NSD1: variants seen among roughly 807,000 people sequenced by gnomAD.
NSD1 encodes the protein nuclear receptor binding SET domain protein 1, also known as histone-lysine N-methyltransferase, H3 lysine-36 specific.
Under a neutral mutation model 242.7 loss-of-function variants are expected in NSD1, and 26 were observed. The ratio of observed to expected loss-of-function variants is 0.11; its 90% CI spans 0.08 to 0.15. The LOEUF is 0.15. Among genes scored for constraint, NSD1 ranks in the 10% least tolerant of loss-of-function variants. The pLI, the probability that NSD1 is intolerant of heterozygous loss-of-function variation, is 1.00. For missense variants in NSD1, 2,495 were observed against 3,272.8 expected, an observed-to-expected ratio of 0.76 and a Z score of 5.80; for synonymous variants, 1,106 against 1,178.1, an observed-to-expected ratio of 0.94 and a Z score of 1.25.
intron 8 of NSD1, among the ~76,000 whole-genome samples, chr5:177,243,624 T>G (rs1340472179): frequency 6.6e-6 from 1 of 152,202 alleles, no homozygotes; most frequent in East Asian, 1.9e-4. Flanking sequence ...AGTCTATATG[T>G]TGGAAATCTC....
chr5:177,293,703 TA>T, intron 22 of NSD1, 128 bp from the exon 23 acceptor site: 1 of 993,946 alleles, frequency 1.0e-6, no homozygotes, highest in Non-Finnish European at 1.5e-6. Context: ...GTGAGTGGCA[TA>T]AGCTCTCTGA....
chr5:177,163,781 G>GTTAC (rs1189117650), intron 2 of NSD1, among the ~76,000 whole-genome samples: 1 of 152,084 alleles, frequency 6.6e-6, no homozygotes. Flanking sequence ...TTATTTCAGG[G>GTTAC]TTACACATTA....
At chr5:177,169,703 A>G (rs1759527653) in intron 2 of NSD1, 1 of 152,242 alleles carries the variant, frequency 6.6e-6, no homozygotes, top group Non-Finnish European at 1.5e-5. Context: ...TGTGAAATAA[A>G]CATAAAATAA....
chr5:177,152,318 T>C (rs1290846759), intron 2 of NSD1, among the ~76,000 whole-genome samples: 1 of 134,308 alleles, frequency 7.4e-6, no homozygotes, highest in Non-Finnish European at 1.6e-5. Flanking sequence ...GTTGTGTGTG[T>C]GTGTATGTAT....
chr5:177,235,229 C>T (rs1765351756), intron 5 of NSD1, among the ~76,000 whole-genome samples: 1 of 152,154 alleles, frequency 6.6e-6, no homozygotes, highest in Admixed American at 6.6e-5. Context: ...GTTCACTGTA[C>T]ACAAACTTTG....
At chr5:177,266,849 C>T in intron 14 of NSD1, 1 of 184,044 alleles carries the variant, frequency 5.4e-6, no homozygotes. Context: ...GCTGAAACTA[C>T]TGTGTTTTGA....
intron 5 of NSD1, among the ~76,000 whole-genome samples, chr5:177,218,619 G>A (rs1001816717): frequency 6.7e-6 from 1 of 150,060 alleles, no homozygotes; most frequent in Non-Finnish European, 1.5e-5. Context: ...CCAGGCTGGC[G>A]TGCCGTGGCG....
intron 2 of NSD1, among the ~76,000 whole-genome samples, chr5:177,150,665 T>C (rs779266471): frequency 6.6e-5 from 10 of 152,194 alleles, no homozygotes; most frequent in Non-Finnish European, 1.2e-4. Flanking sequence ...TGAACAATTA[T>C]ATTTTCACAT....
intron 3 of NSD1, among the ~76,000 whole-genome samples, chr5:177,192,401 T>A (rs528577019): frequency 3.7e-4 from 56 of 151,838 alleles, no homozygotes; most frequent in Middle Eastern, 6.8e-3. Context: ...TTTTTTTTTT[T>A]AATTTTTTAT....
chr5:177,142,768 A>G (rs979629264), intron 2 of NSD1, among the ~76,000 whole-genome samples: 3 of 152,054 alleles, frequency 2.0e-5, no homozygotes, highest in African/African-American at 2.4e-5. Flanking sequence ...ATTACTTCCT[A>G]CTTCCAAAAT....
chr5:177,149,970 T>C (rs1757568908), intron 2 of NSD1, among the ~76,000 whole-genome samples: 1 of 152,100 alleles, frequency 6.6e-6, no homozygotes, highest in African/African-American at 2.4e-5. Flanking sequence ...ACAGTCTTAC[T>C]CTGTCACCCA....
At chr5:177,184,075 T>G (rs1030191794) in intron 2 of NSD1, among the ~76,000 whole-genome samples, 13 of 152,240 alleles carry the variant, frequency 8.5e-5, no homozygotes, top group African/African-American at 3.1e-4. Flanking sequence ...TTGGCTATTG[T>G]GAACAGTGCT....
intron 5 of NSD1, chr5:177,229,682 G>A (rs1247282243): frequency 2.8e-6 from 1 of 356,590 alleles, no homozygotes; most frequent in Non-Finnish European, 5.4e-6. Context: ...TAGGGAGTTG[G>A]GGTAGTTGAG....
rs934334406 is a variant in NSD1 at position 177,134,768 on chromosome 5, T to G, written c.-17-319T>G. On this transcript the variant is annotated intron_variant, in intron 1 of 22. Transcript: ENST00000439151. The surrounding 1 kb of genome is among the most constrained non-coding windows in gnomAD (Gnocchi z 4.2). Reference sequence around the variant, plus strand: ...ACCCCTGGCGAGGGAGGGGGAGGACTAGTCCTGTTTGAGAATTGGGAATTT... The same window carrying G: ...ACCCCTGGCGAGGGAGGGGGAGGACGAGTCCTGTTTGAGAATTGGGAATTT... Among the ~76,000 whole-genome samples the G allele has an allele frequency of 6.6e-6, 1 of 152,210 alleles. No individual in the cohort carries two copies. The highest frequency in any genetic ancestry group is 2.4e-5 in the African/African-American group (1 of 41,458).
At chr5:177,275,145 A>C (rs1043662650) in intron 17 of NSD1, among the ~76,000 whole-genome samples, 3 of 151,634 alleles carry the variant, frequency 2.0e-5, no homozygotes, top group African/African-American at 7.3e-5. Flanking sequence ...GAGCATAGTT[A>C]AACTGAAAAA....
At chr5:177,225,421 G>A (rs1764561199) in intron 5 of NSD1, among the ~76,000 whole-genome samples, 1 of 152,168 alleles carries the variant, frequency 6.6e-6, no homozygotes, top group African/African-American at 2.4e-5. Flanking sequence ...GGGATTACAG[G>A]TGTGAGCCGC....
chr5:177,200,889 G>A (rs1762462426), intron 3 of NSD1, among the ~76,000 whole-genome samples: 1 of 151,436 alleles, frequency 6.6e-6, no homozygotes, highest in African/African-American at 2.4e-5. Context: ...ATAGTATCTG[G>A]TGTTTTTGTA....
At chr5:177,226,150 A>T (rs1367885721) in intron 5 of NSD1, among the ~76,000 whole-genome samples, 1 of 152,092 alleles carries the variant, frequency 6.6e-6, no homozygotes, top group Non-Finnish European at 1.5e-5. Flanking sequence ...GGGCTCAAGC[A>T]ATCCTCCCAC....
chr5:177,284,000 T>A, intron 20 of NSD1, 72 bp downstream of exon 20: 1 of 1,549,018 alleles, frequency 6.5e-7, no homozygotes, highest in Non-Finnish European at 8.9e-7. Context: ...AACAGCTTCC[T>A]CAGATTATAA....
Sources: gnomAD v4.1 joint callset for allele counts (sites outside exome capture counted in the v4.1 genomes callset) on GRCh38, gnomAD v4.1.1 for gene constraint, Gnocchi (gnomAD v3.1) non-coding constraint, MANE v1.5 for transcripts, NCBI Gene and HGNC (gene_info 2026-07-23, HGNC 2026-07-21) for gene names.